The following ZBTB8B variants were observed in gnomAD, a reference collection of about 807,000 sequenced individuals.
The protein encoded by ZBTB8B is zinc finger and BTB domain-containing protein 8B.
ZBTB8B carries 17 observed loss-of-function variants against 30.3 expected under a neutral mutation model. That is an observed-to-expected ratio of 0.56 (90% CI 0.38 to 0.84). ZBTB8B has a LOEUF of 0.84. Ranked by LOEUF, ZBTB8B falls within the 40% of genes least tolerant of loss-of-function variation. The probability of loss-of-function intolerance (pLI) is 0.00; values close to 1 mark genes in which losing one functional copy is unlikely to be tolerated. For synonymous variants in ZBTB8B, 248 were observed against 255.6 expected (o/e 0.97, Z 0.28); for missense variants, 515 against 644.9 (o/e 0.80, Z 2.18).
In ZBTB8B at chr1:32,481,119, T is replaced by C. The variant is rs61781220; in HGVS notation, c.1170+50T>C. The C allele has an allele frequency of 8.5e-3, 12,560 of 1,470,578 alleles. 72 individuals carry two copies. The highest frequency in any genetic ancestry group is 0.01 in the Non-Finnish European group (10,986 of 1,095,044). The allele number at this position is 1,470,578 out of a possible 1,614,324, so 91.1% of individuals were successfully genotyped here. ...CTTGTGGCAAGAGCTATTCATGATA[T>C]CATCTAATGGAAGGGTGAAGCCAGC... On this transcript the variant is annotated intron_variant, in intron 3 of 3. Coordinates refer to ENST00000609129, the MANE Select transcript of ZBTB8B (RefSeq NM_001145720.2).
rs1643564609 is a variant in ZBTB8B at position 32,465,536 on chromosome 1, T to G, written c.-42+431T>G. On this transcript the variant is annotated intron_variant, in intron 1 of 3. Coordinates refer to ENST00000609129, the MANE Select transcript of ZBTB8B (RefSeq NM_001145720.2). This position sits in a 1 kb window ranked among gnomAD's most constrained non-coding sequence, Gnocchi z 4.1. Reference sequence around the variant, plus strand: ...CCCTGTAGCTGGTTCTGGTGGCCTCTCTGCAGGTCGTCTGATGCTGGACGG... The same window carrying G: ...CCCTGTAGCTGGTTCTGGTGGCCTCGCTGCAGGTCGTCTGATGCTGGACGG... Among the ~76,000 whole-genome samples, 1 of 152,244 alleles carries G rather than the reference T, an allele frequency of 6.6e-6. No homozygotes were observed. The highest frequency in any genetic ancestry group is 2.4e-5 in the African/African-American group (1 of 41,464).
rs185495755 is a variant in ZBTB8B, at chr1:32,492,002, C to G, written c.*6584C>G. 8.6e-4 allele frequency: 131 copies of G among 152,244 alleles called. No homozygotes were observed. Among genetic ancestry groups the G allele is most frequent in the African/African-American group, 3.0e-3 (125 of 41,524 alleles). 9.4% of individuals were successfully genotyped at this position (152,244 alleles called of 1,614,324 possible). A position where few individuals can be genotyped will look rare whatever the true frequency, so the allele number is the denominator to read the frequency against. On this transcript the variant is annotated 3_prime_UTR_variant, in exon 4 of 4. Transcript: ENST00000609129. ...AGAGGAATTTCCTAGTAAAATATAACCCACCCTAACTCATTTTTCCTTTCT... is the reference window on the plus strand; with the variant it reads ...AGAGGAATTTCCTAGTAAAATATAAGCCACCCTAACTCATTTTTCCTTTCT...
chr1:32,474,886 A>G (rs190709723), intron 2 of ZBTB8B, among the ~76,000 whole-genome samples: 6 of 152,326 alleles, frequency 3.9e-5, no homozygotes, highest in South Asian at 2.1e-4. Flanking sequence ...AAGCAACACA[A>G]GTAGGTAGCG....
chr1:32,485,651 T>C lies in ZBTB8B; in HGVS notation c.*233T>C. 1 of 532,080 alleles carries C rather than the reference T, an allele frequency of 1.9e-6. No individual in the cohort carries two copies. Among genetic ancestry groups the C allele is most frequent in the Non-Finnish European group, 3.4e-6 (1 of 297,844 alleles). 33.0% of individuals were successfully genotyped at this position (532,080 alleles called of 1,614,324 possible). On this transcript the variant is annotated 3_prime_UTR_variant, in exon 4 of 4. Coordinates refer to ENST00000609129, the MANE Select transcript of ZBTB8B (RefSeq NM_001145720.2). ...GAGGGCTTTGCTGGCCACTCCTTAA[T>C]TCTGAGTGAGTCAAAGCAGGCCCTG...
At chr1:32,480,634 C>A (rs1643696929) in intron 2 of ZBTB8B, among the ~76,000 whole-genome samples, 1 of 152,228 alleles carries the variant, frequency 6.6e-6, no homozygotes, top group Non-Finnish European at 1.5e-5. Context: ...GTCAGTCACA[C>A]AGAAGTGTGG....
intron 1 of ZBTB8B, among the ~76,000 whole-genome samples, chr1:32,467,240 CTT>C (rs1168164366): frequency 6.9e-6 from 1 of 145,552 alleles, no homozygotes; most frequent in African/African-American, 2.5e-5. Flanking sequence ...CCTCCACACA[CTT>C]GTTTTTTTTT....
intron 3 of ZBTB8B, among the ~76,000 whole-genome samples, chr1:32,483,231 T>G (rs1416048369): frequency 9.8e-6 from 1 of 101,882 alleles, no homozygotes. Context: ...AAACCCCTTA[T>G]CTACTAAAAA....
At chr1:32,469,236 C>T (rs1434656284) in intron 1 of ZBTB8B, among the ~76,000 whole-genome samples, 1 of 123,214 alleles carries the variant, frequency 8.1e-6, no homozygotes, top group Non-Finnish European at 1.6e-5. Context: ...ACACTAAACA[C>T]TCAAGTATAA....
At chr1:32,483,242 T>TA (rs1396796596) in intron 3 of ZBTB8B, among the ~76,000 whole-genome samples, 21,189 of 33,058 alleles carry the variant, frequency 0.64, 7,698 homozygotes, top group East Asian at 0.78. Flanking sequence ...CTACTAAAAA[T>TA]CCAAAAAAAA....
At chr1:32,474,369 A>T (rs1482643878) in intron 2 of ZBTB8B, among the ~76,000 whole-genome samples, 2 of 143,450 alleles carry the variant, frequency 1.4e-5, no homozygotes, top group African/African-American at 5.2e-5. Context: ...AAAAAAAAAA[A>T]AAAAAAAAAA....
rs143719673 is a variant in ZBTB8B at position 32,484,504 on chromosome 1, G to A, written c.1171-597G>A. On this transcript the variant is annotated intron_variant, in intron 3 of 3. Transcript: ENST00000609129. The surrounding 1 kb of genome is among the most constrained non-coding windows in gnomAD (Gnocchi z 4.5). ...AGAAGGGAATGTCCCACATGTGTCCGGTGGCTCCGGGGTAGAAAGAACCTT... is the reference window on the plus strand; with the variant it reads ...AGAAGGGAATGTCCCACATGTGTCCAGTGGCTCCGGGGTAGAAAGAACCTT... Among the ~76,000 whole-genome samples, 10 of 152,270 alleles carry A rather than the reference G, an allele frequency of 6.6e-5. No individual in the cohort carries two copies. The highest frequency in any genetic ancestry group is 2.0e-4 in the Admixed American group (3 of 15,294).
intron 2 of ZBTB8B, among the ~76,000 whole-genome samples, chr1:32,474,862 TAAAC>T (rs1395142912): frequency 6.6e-6 from 1 of 152,222 alleles, no homozygotes; most frequent in Non-Finnish European, 1.5e-5. Context: ...TTTCATTCAT[TAAAC>T]AAACAGTGAA....
chr1:32,495,904 T>C lies in ZBTB8B; in HGVS notation c.*10486T>C, dbSNP rs911547479. ...CTCAAAAAAAAAGGTTTTTTTTTAA[T>C]TGAATGAATGCAATAAGGAATTGAG... On this transcript the variant is annotated 3_prime_UTR_variant, in exon 4 of 4. Transcript: ENST00000609129. The C allele has an allele frequency of 6.6e-5, 10 of 152,120 alleles. No homozygotes were observed. Among genetic ancestry groups the C allele is most frequent in the Non-Finnish European group, 1.5e-4 (10 of 68,030 alleles). 9.4% of individuals were successfully genotyped at this position (152,120 alleles called of 1,614,324 possible). A position where few individuals can be genotyped will look rare whatever the true frequency, so the allele number is the denominator to read the frequency against.
chr1:32,467,005 G>T (rs1643576227), intron 1 of ZBTB8B, among the ~76,000 whole-genome samples: 1 of 152,018 alleles, frequency 6.6e-6, no homozygotes, highest in Non-Finnish European at 1.5e-5. Context: ...AATGTTTTCA[G>T]AATTAGCTGA....
chr1:32,480,073 G>C (rs574098217), intron 2 of ZBTB8B, among the ~76,000 whole-genome samples: 4 of 152,322 alleles, frequency 2.6e-5, no homozygotes, highest in South Asian at 2.1e-4. Flanking sequence ...AAGGTAGTGA[G>C]ATCAATTCAG....
At chr1:32,473,713 G>C (rs1277668455) in intron 2 of ZBTB8B, among the ~76,000 whole-genome samples, 1 of 151,944 alleles carries the variant, frequency 6.6e-6, no homozygotes, top group Non-Finnish European at 1.5e-5. Flanking sequence ...TAGAGACAAG[G>C]TCTCCCTATG....
chr1:32,470,499 CAAAAAAAA>C lies in ZBTB8B; in HGVS notation c.-41-65_-41-58del, dbSNP rs60700558. The C allele has an allele frequency of 1.3e-3, 483 of 358,944 alleles. 1 individual carries two copies. Among genetic ancestry groups the C allele is most frequent in the East Asian group, 7.7e-3 (85 of 11,000 alleles). The allele number at this position is 358,944 out of a possible 1,614,324, so 22.2% of individuals were successfully genotyped here. ...TGGGCAACAGAGCAAGACGCTGACTCAAAAAAAAAAAAAAAAAAAAAAAAAAAGAAATC... is the reference window on the plus strand; with the variant it reads ...TGGGCAACAGAGCAAGACGCTGACTCAAAAAAAAAAAAAAAAAAAGAAATC... On this transcript the variant is annotated intron_variant, in intron 1 of 3. Coordinates refer to ENST00000609129, the MANE Select transcript of ZBTB8B (RefSeq NM_001145720.2).
In ZBTB8B at chr1:32,487,885, CAA is replaced by C. The variant is rs1643756599; in HGVS notation, c.*2468_*2469del. On this transcript the variant is annotated 3_prime_UTR_variant, in exon 4 of 4. Transcript: ENST00000609129. ...TAAATAAAAGAAAAATATTCTAGAT[CAA>C]GAGTTACTCATTGAAAATTATCAGG... is the stretch of plus-strand genomic sequence containing the variant. The C allele has an allele frequency of 6.6e-6, 1 of 151,728 alleles. No homozygotes were observed. The highest frequency in any genetic ancestry group is 6.6e-5 in the Admixed American group (1 of 15,206). The allele number at this position is 151,728 out of a possible 1,614,324, so 9.4% of individuals were successfully genotyped here. A position where few individuals can be genotyped will look rare whatever the true frequency, so the allele number is the denominator to read the frequency against.
chr1:32,480,179 A>G (rs1011903213), intron 2 of ZBTB8B, among the ~76,000 whole-genome samples: 1 of 151,742 alleles, frequency 6.6e-6, no homozygotes, highest in Admixed American at 6.6e-5. Flanking sequence ...TAGAGGCTCC[A>G]GCAGAGTTGG....
Sources: gnomAD v4.1 joint callset for allele counts (sites outside exome capture counted in the v4.1 genomes callset) on GRCh38, gnomAD v4.1.1 for gene constraint, Gnocchi (gnomAD v3.1) non-coding constraint, MANE v1.5 for transcripts, NCBI Gene and HGNC (gene_info 2026-07-23, HGNC 2026-07-21) for gene names.